Variants in CPQ observed in about 807,000 individuals in gnomAD.
CPQ encodes carboxypeptidase Q.
Under a neutral mutation model 45.7 loss-of-function variants are expected in CPQ, and 37 were observed. The observed-to-expected ratio is 0.81, with a 90% CI of 0.62 to 1.07. The LOEUF (loss-of-function observed/expected upper bound fraction) is 1.07, where lower values mean the gene tolerates loss of function less well. Ranked by LOEUF, CPQ falls within the 50% of genes least tolerant of loss-of-function variation. The pLI, the probability that CPQ is intolerant of heterozygous loss-of-function variation, is 0.00. For synonymous variants in CPQ, 186 were observed against 205.8 expected, an observed-to-expected ratio of 0.90 and a Z score of 0.82; for missense variants, 537 against 572.9, an observed-to-expected ratio of 0.94 and a Z score of 0.64.
intron 6 of CPQ, among the ~76,000 whole-genome samples, chr8:97,040,043 C>A (rs1241689383): frequency 4.0e-5 from 6 of 151,232 alleles, no homozygotes; most frequent in African/African-American, 1.5e-4. Context: ...TTCTAGATCC[C>A]TGAGGAATCG....
chr8:96,862,925 T>C (rs147480105), intron 3 of CPQ, among the ~76,000 whole-genome samples: 147 of 152,158 alleles, frequency 9.7e-4, no homozygotes, highest in African/African-American at 3.4e-3. Flanking sequence ...AGCTGCTAAT[T>C]TGGACCCTAG....
intron 1 of CPQ, among the ~76,000 whole-genome samples, chr8:96,768,679 T>C (rs759917416): frequency 3.3e-5 from 5 of 152,226 alleles, no homozygotes; most frequent in Admixed American, 6.5e-5. Context: ...AGTATTTTCA[T>C]ATATGCCTGT....
chr8:96,831,238 G>GTT (rs1435500636), intron 2 of CPQ, among the ~76,000 whole-genome samples: 3 of 152,096 alleles, frequency 2.0e-5, no homozygotes, highest in African/African-American at 7.2e-5. Context: ...GTATGTGTGT[G>GTT]TGTGTGTGTG....
intron 6 of CPQ, among the ~76,000 whole-genome samples, chr8:97,059,256 T>C (rs371333091): frequency 3.0e-4 from 46 of 152,300 alleles, no homozygotes; most frequent in South Asian, 8.3e-4. Context: ...CTACTCATTC[T>C]GTTCCTGTCT....
intron 1 of CPQ, among the ~76,000 whole-genome samples, chr8:96,723,219 T>A (rs1232900737): frequency 6.6e-6 from 1 of 152,212 alleles, no homozygotes; most frequent in Non-Finnish European, 1.5e-5. Context: ...TTGGGTCTAC[T>A]GGTTTTTAAA....
chr8:96,917,613 A>G (rs1286909226), intron 4 of CPQ, among the ~76,000 whole-genome samples: 1 of 152,136 alleles, frequency 6.6e-6, no homozygotes, highest in Non-Finnish European at 1.5e-5. Flanking sequence ...GGTGTTAGTT[A>G]TGCTCATTAC....
intron 7 of CPQ, among the ~76,000 whole-genome samples, chr8:97,084,810 C>CTGTG (rs1491225571): frequency 7.5e-6 from 1 of 133,892 alleles, no homozygotes; most frequent in Non-Finnish European, 1.5e-5. Flanking sequence ...TGTGTGTATA[C>CTGTG]TCTGTGTGTG....
At chr8:96,847,931 C>A (rs2130858092) in intron 3 of CPQ, among the ~76,000 whole-genome samples, 1 of 116,024 alleles carries the variant, frequency 8.6e-6, no homozygotes, top group Non-Finnish European at 1.6e-5. Context: ...AAATAAGGAT[C>A]TCAATATAGG....
intron 5 of CPQ, among the ~76,000 whole-genome samples, chr8:97,023,091 T>C (rs1250119413): frequency 8.5e-6 from 1 of 117,676 alleles, no homozygotes; most frequent in Non-Finnish European, 1.9e-5. Flanking sequence ...ATACACTATG[T>C]ATATACTATA....
At chr8:97,001,428 A>G (rs1024989168) in intron 5 of CPQ, among the ~76,000 whole-genome samples, 6 of 152,094 alleles carry the variant, frequency 3.9e-5, no homozygotes, top group African/African-American at 1.4e-4. Flanking sequence ...TTCAATACCT[A>G]GTTTATTGAG....
chr8:96,648,785 G>T (rs1296769720), intron 1 of CPQ, among the ~76,000 whole-genome samples: 6 of 152,128 alleles, frequency 3.9e-5, no homozygotes, highest in Non-Finnish European at 7.4e-5. Context: ...AGCAGAGGGA[G>T]AAGGGTATTC....
intron 3 of CPQ, among the ~76,000 whole-genome samples, chr8:96,854,162 C>T (rs1477538339): frequency 6.6e-6 from 1 of 152,088 alleles, no homozygotes. Flanking sequence ...AGCTGGGTTG[C>T]CACATCCTAT....
chr8:96,733,313 ACATCT>A (rs1247014905), intron 1 of CPQ, among the ~76,000 whole-genome samples: 1 of 152,222 alleles, frequency 6.6e-6, no homozygotes, highest in African/African-American at 2.4e-5. Flanking sequence ...GACACTGATG[ACATCT>A]CATCTCCTGC....
chr8:96,670,569 G>A (rs1408919899), intron 1 of CPQ, among the ~76,000 whole-genome samples: 1 of 152,056 alleles, frequency 6.6e-6, no homozygotes, highest in Non-Finnish European at 1.5e-5. Context: ...AATGATAAAA[G>A]CCTTATGCTA....
intron 4 of CPQ, among the ~76,000 whole-genome samples, chr8:96,960,241 T>G (rs188623798): frequency 2.6e-5 from 4 of 152,202 alleles, no homozygotes; most frequent in Non-Finnish European, 5.9e-5. Context: ...TTATTGCAGA[T>G]TTTTACAATT....
rs150590663 is a variant in CPQ at position 96,712,588 on chromosome 8, T to G, written c.-35+67186T>G. On this transcript the variant is annotated intron_variant, in intron 1 of 7. Transcript: ENST00000220763. ...AGCCACCAGGGCTTTGTGCTTGCAC[T>G]CTCTGAAGCAACAGCCTGAGCTGTA... Among the ~76,000 whole-genome samples, 20 of 152,298 alleles carry G rather than the reference T, an allele frequency of 1.3e-4. No individual in the cohort carries two copies. In the East Asian group the frequency reaches 3.5e-3, roughly 26 times the overall value.
chr8:97,042,960 CT>C (rs1465955135), intron 6 of CPQ, among the ~76,000 whole-genome samples: 1 of 151,962 alleles, frequency 6.6e-6, no homozygotes, highest in Non-Finnish European at 1.5e-5. Context: ...AATGTATATT[CT>C]GTTGATTTGG....
intron 7 of CPQ, among the ~76,000 whole-genome samples, chr8:97,137,701 G>A (rs1263923881): frequency 2.6e-5 from 4 of 152,180 alleles, no homozygotes; most frequent in Non-Finnish European, 5.9e-5. Flanking sequence ...AGGCCGAGGC[G>A]GGCGGATCAT....
chr8:97,088,879 G>A (rs1254284759), intron 7 of CPQ, among the ~76,000 whole-genome samples: 1 of 152,152 alleles, frequency 6.6e-6, no homozygotes, highest in Non-Finnish European at 1.5e-5. Flanking sequence ...TAGATTGCCT[G>A]TAGCTTAGCT....
Sources: gnomAD v4.1 joint callset for allele counts (sites outside exome capture counted in the v4.1 genomes callset) on GRCh38, gnomAD v4.1.1 for gene constraint, MANE v1.5 for transcripts, NCBI Gene and HGNC (gene_info 2026-07-23, HGNC 2026-07-21) for gene names.